Variants in FOXP1 observed in about 807,000 individuals in gnomAD.
FOXP1 encodes the protein forkhead box P1, also known as forkhead box protein P1.
FOXP1 carries 15 observed loss-of-function variants against 98.2 expected under a neutral mutation model. That is an observed-to-expected ratio of 0.15 (90% CI 0.10 to 0.24). The LOEUF (loss-of-function observed/expected upper bound fraction) is 0.24, where lower values mean the gene tolerates loss of function less well. Among genes scored for constraint, FOXP1 ranks in the 10% least tolerant of loss-of-function variants. FOXP1 has a pLI of 1.00. For synonymous variants in FOXP1, 371 were observed against 314.5 expected (o/e 1.18, Z -1.90); for missense variants, 633 against 848.5 (o/e 0.75, Z 3.15).
rs1349038136 is a variant in FOXP1, at chr3:70,977,865, C to T, written c.1311G>A (p.Arg437=). ...GCACGTTGTATTTGTCTGAGTACCGCCTGCGGATGGGTCCCACCGTGTGCA... is the reference window on the plus strand; with the variant it reads ...GCACGTTGTATTTGTCTGAGTACCGTCTGCGGATGGGTCCCACCGTGTGCA... ...TSMHTVGPIR[R]RYSDKYNVPI... is the part of the protein sequence containing the mutation. Residue 437 remains arginine, a synonymous_variant, in exon 15 of 21, where the codon AGG becomes AGA. Coordinates refer to ENST00000649528, the MANE Select transcript of FOXP1 (RefSeq NM_001349338.3). The T allele has an allele frequency of 1.9e-6, 3 of 1,614,146 alleles. No homozygotes were observed. Among genetic ancestry groups the T allele is most frequent in the Non-Finnish European group, 1.7e-6 (2 of 1,180,036 alleles).
At chr3:71,223,311 C>G (rs2065548740) in intron 5 of FOXP1, among the ~76,000 whole-genome samples, 1 of 76,342 alleles carries the variant, frequency 1.3e-5, no homozygotes, top group African/African-American at 5.7e-5. Flanking sequence ...TTATGCTATT[C>G]TCCTCCTCTT....
intron 5 of FOXP1, among the ~76,000 whole-genome samples, chr3:71,266,297 T>A (rs570577993): frequency 6.6e-6 from 1 of 152,024 alleles, no homozygotes; most frequent in Non-Finnish European, 1.5e-5. Context: ...CCAGGCTGGA[T>A]GGAGCACAGT....
chr3:71,439,950 GAAA>G (rs34186820), intron 3 of FOXP1, among the ~76,000 whole-genome samples: 1 of 132,994 alleles, frequency 7.5e-6, no homozygotes. Context: ...TCTGTCTCAG[GAAA>G]AAAAAAAAAA....
intron 4 of FOXP1, among the ~76,000 whole-genome samples, chr3:71,330,384 A>G (rs2076220125): frequency 6.6e-6 from 1 of 152,330 alleles, no homozygotes; most frequent in African/African-American, 2.4e-5. Context: ...AACTTTTCAT[A>G]TAATTAAAGC....
intron 14 of FOXP1, among the ~76,000 whole-genome samples, chr3:70,984,625 T>A (rs1040269498): frequency 2.6e-5 from 4 of 152,232 alleles, no homozygotes; most frequent in Non-Finnish European, 4.4e-5. Context: ...AGTTTGATTT[T>A]AAATGCAGAA....
At chr3:71,014,662 A>G (rs1031464346) in intron 12 of FOXP1, among the ~76,000 whole-genome samples, 3 of 152,228 alleles carry the variant, frequency 2.0e-5, no homozygotes, top group Non-Finnish European at 2.9e-5. Context: ...AAAGGTTTAT[A>G]ATTCATGCTG....
intron 19 of FOXP1, chr3:70,970,469 A>G (rs1243920073): frequency 4.3e-6 from 2 of 469,336 alleles, no homozygotes; most frequent in Non-Finnish European, 7.8e-6. Flanking sequence ...TTCTGAAATA[A>G]GAGGATGGAA....
At position 71,553,831 on chromosome 3, in the gene FOXP1, T is replaced by A. The variant is rs192636573; in HGVS notation, c.-298+27718A>T. Among the ~76,000 whole-genome samples the A allele has an allele frequency of 7.2e-5, 11 of 152,318 alleles. No individual in the cohort carries two copies. In the East Asian group the frequency reaches 1.9e-3, roughly 27 times the overall value. On this transcript the variant is annotated intron_variant, in intron 2 of 20. Coordinates refer to ENST00000649528, the MANE Select transcript of FOXP1 (RefSeq NM_001349338.3). ...AGTACTTATTTGTATTCAACATTAGTCTCAAAACAGAAACTTTGTAGTTTG... is the reference window on the plus strand; with the variant it reads ...AGTACTTATTTGTATTCAACATTAGACTCAAAACAGAAACTTTGTAGTTTG...
chr3:71,578,240 T>C (rs1447161620), intron 2 of FOXP1, among the ~76,000 whole-genome samples: 1 of 152,206 alleles, frequency 6.6e-6, no homozygotes, highest in East Asian at 1.9e-4. Flanking sequence ...GTAGGAGCTC[T>C]TCAGAGGGTT....
At chr3:71,277,197 A>T (rs2071001514) in intron 5 of FOXP1, among the ~76,000 whole-genome samples, 1 of 150,472 alleles carries the variant, frequency 6.6e-6, no homozygotes, top group Non-Finnish European at 1.5e-5. Context: ...TGACCTCGTG[A>T]TCTGCCCGAC....
At chr3:71,192,316 A>T (rs556637627) in intron 6 of FOXP1, among the ~76,000 whole-genome samples, 108 of 152,308 alleles carry the variant, frequency 7.1e-4, no homozygotes, top group African/African-American at 2.5e-3. Flanking sequence ...ATACCATATA[A>T]CCTGCGTCAT....
chr3:71,082,125 A>G (rs2054491412), intron 7 of FOXP1, among the ~76,000 whole-genome samples: 1 of 151,940 alleles, frequency 6.6e-6, no homozygotes. Context: ...CTAAAAATAC[A>G]AAAATGAGCT....
chr3:71,041,578 C>T (rs371144961), intron 10 of FOXP1, 46 bp from the exon 11 acceptor site: 52 of 1,557,498 alleles, frequency 3.3e-5, no homozygotes, highest in African/African-American at 5.4e-5. Flanking sequence ...CAGCTAATTC[C>T]GTCCTCTTCA....
At chr3:71,582,949 G>A (rs976813435) in intron 1 of FOXP1, among the ~76,000 whole-genome samples, 1 of 152,104 alleles carries the variant, frequency 6.6e-6, no homozygotes. Flanking sequence ...GGCAGCTCAA[G>A]GGCACCGAGG....
intron 11 of FOXP1, among the ~76,000 whole-genome samples, chr3:71,024,694 T>C (rs2045891683): frequency 6.6e-6 from 1 of 152,170 alleles, no homozygotes; most frequent in African/African-American, 2.4e-5. Context: ...AAACTTGCAA[T>C]TGGAGTGACT....
intron 3 of FOXP1, among the ~76,000 whole-genome samples, chr3:71,379,008 A>G (rs1056942221): frequency 2.0e-5 from 3 of 152,142 alleles, no homozygotes; most frequent in African/African-American, 7.2e-5. Flanking sequence ...TTCTGGTCTC[A>G]GAACTTCTTC....
chr3:71,284,940 T>C (rs1480018381), intron 5 of FOXP1, among the ~76,000 whole-genome samples: 2 of 152,184 alleles, frequency 1.3e-5, no homozygotes, highest in Non-Finnish European at 2.9e-5. Context: ...AAATTCCCCA[T>C]AATGAGATGG....
chr3:71,357,438 C>G (rs900759604), intron 4 of FOXP1, among the ~76,000 whole-genome samples: 1 of 152,156 alleles, frequency 6.6e-6, no homozygotes, highest in Non-Finnish European at 1.5e-5. Flanking sequence ...AGAAGGCATT[C>G]ATTGAAAATA....
chr3:71,205,395 A>G (rs981262735), intron 5 of FOXP1, among the ~76,000 whole-genome samples: 2 of 152,340 alleles, frequency 1.3e-5, no homozygotes, highest in South Asian at 4.1e-4. Flanking sequence ...TGTATTATCA[A>G]CTTTATCATG....
Sources: allele counts gnomAD v4.1 joint callset (sites outside exome capture counted in the v4.1 genomes callset), GRCh38; gene constraint gnomAD v4.1.1; transcripts MANE v1.5; gene names NCBI Gene and HGNC (gene_info 2026-07-23, HGNC 2026-07-21).